The following TMEM207 variants were observed in gnomAD, a reference collection of about 807,000 sequenced individuals.
TMEM207 encodes the protein transmembrane protein 207, also known as SRSR846.
TMEM207 carries 15 observed loss-of-function variants against 17.4 expected under a neutral mutation model. That is an observed-to-expected ratio of 0.86 (90% confidence interval 0.58 to 1.33). The LOEUF is 1.33. TMEM207 is among the 40% of genes most tolerant of loss of function. The pLI, the probability that TMEM207 is intolerant of heterozygous loss-of-function variation, is 0.00. For synonymous variants in TMEM207, 70 were observed against 65.6 expected (o/e 1.07, Z -0.33); for missense variants, 205 against 173.8 (o/e 1.18, Z -1.01).
In TMEM207 at chr3:190,435,515, G is replaced by A. The variant is rs1478742891; in HGVS notation, c.304+4729C>T. ...GTGGGACACAGTTCAACCCACAACA[G>A]GGGGCATCAGAGGGAATATTTTTCC... is the stretch of plus-strand genomic sequence containing the variant. On this transcript the variant is annotated intron_variant, in intron 4 of 4. Coordinates refer to ENST00000354905, the MANE Select transcript of TMEM207 (RefSeq NM_207316.3). 3.3e-5 allele frequency among the ~76,000 whole-genome samples: 5 copies of A among 152,264 alleles called. No homozygotes were observed. The East Asian group carries it at 9.6e-4, about 29-fold the overall frequency.
rs549768997 is a variant in TMEM207 at position 190,430,888 on chromosome 3, A to G, written c.305-1157T>C. 2.0e-5 allele frequency among the ~76,000 whole-genome samples: 3 copies of G among 152,272 alleles called. No homozygotes were observed. In the South Asian group the frequency reaches 6.2e-4, roughly 32 times the overall value. On this transcript the variant is annotated intron_variant, in intron 4 of 4. Coordinates refer to ENST00000354905, the MANE Select transcript of TMEM207 (RefSeq NM_207316.3). ...AGTAAGATTTGATGCCATTAGGAAT[A>G]TTCCAAAGAATATGCCACAATGATC...
intron 4 of TMEM207, among the ~76,000 whole-genome samples, chr3:190,431,621 G>C (rs57427026): frequency 0.013 from 2,045 of 152,110 alleles, 65 homozygotes; most frequent in African/African-American, 0.047. Flanking sequence ...TTCCTCCATT[G>C]TGAATACTTG....
chr3:190,438,468 C>T (rs934602937), intron 4 of TMEM207, among the ~76,000 whole-genome samples: 2 of 151,898 alleles, frequency 1.3e-5, no homozygotes, highest in Non-Finnish European at 1.5e-5. Context: ...ATGGAATCTG[C>T]CATGCAAGAA....
At chr3:190,442,568 C>T (rs1305319662) in intron 2 of TMEM207, among the ~76,000 whole-genome samples, 1 of 152,108 alleles carries the variant, frequency 6.6e-6, no homozygotes, top group Non-Finnish European at 1.5e-5. Flanking sequence ...ATTTCATTCC[C>T]CTCCACATAT....
At chr3:190,430,334 A>G (rs1470574809) in intron 4 of TMEM207, among the ~76,000 whole-genome samples, 1 of 152,028 alleles carries the variant, frequency 6.6e-6, no homozygotes, top group Non-Finnish European at 1.5e-5. Flanking sequence ...ATTAACTATT[A>G]CAAACTGGCC....
At chr3:190,435,689 C>T (rs983702411) in intron 4 of TMEM207, among the ~76,000 whole-genome samples, 4 of 152,092 alleles carry the variant, frequency 2.6e-5, no homozygotes, top group African/African-American at 7.2e-5. Flanking sequence ...GGTATAGATC[C>T]TATGAAGAGG....
At chr3:190,443,378 A>G (rs1319739382) in intron 2 of TMEM207, among the ~76,000 whole-genome samples, 2 of 151,900 alleles carry the variant, frequency 1.3e-5, no homozygotes, top group African/African-American at 2.4e-5. Context: ...CTGGGCTAAC[A>G]ATTTTCCAAA....
chr3:190,444,485 T>C, intron 2 of TMEM207: 1 of 976,334 alleles, frequency 1.0e-6, no homozygotes, highest in Non-Finnish European at 1.2e-6. Context: ...TCCAAATGCT[T>C]TAAGGAAATA....
chr3:190,441,787 A>C (rs1325333471), intron 2 of TMEM207, among the ~76,000 whole-genome samples: 1 of 152,242 alleles, frequency 6.6e-6, no homozygotes, highest in Non-Finnish European at 1.5e-5. Context: ...GCAGTGACTT[A>C]ACTCTTCAGG....
chr3:190,435,855 G>T (rs1016486797), intron 4 of TMEM207, among the ~76,000 whole-genome samples: 2 of 152,218 alleles, frequency 1.3e-5, no homozygotes, highest in African/African-American at 4.8e-5. Flanking sequence ...GATGGGCTGT[G>T]CTGGCAACAC....
At chr3:190,433,691 T>G (rs1207986630) in intron 4 of TMEM207, among the ~76,000 whole-genome samples, 1 of 152,158 alleles carries the variant, frequency 6.6e-6, no homozygotes, top group Non-Finnish European at 1.5e-5. Flanking sequence ...ATTTCCACAT[T>G]TGAGAGGGGG....
chr3:190,433,273 T>TC (rs1175628242), intron 4 of TMEM207, among the ~76,000 whole-genome samples: 1 of 152,138 alleles, frequency 6.6e-6, no homozygotes, highest in Non-Finnish European at 1.5e-5. Flanking sequence ...TTATTCAGCA[T>TC]CACAACTTTA....
chr3:190,435,273 GA>G (rs1369804775), intron 4 of TMEM207, among the ~76,000 whole-genome samples: 1 of 152,174 alleles, frequency 6.6e-6, no homozygotes, highest in Non-Finnish European at 1.5e-5. Context: ...TTGGATTGCA[GA>G]TGGCCACCCT....
intron 2 of TMEM207, 78 bp downstream of exon 2, chr3:190,447,712 T>G: frequency 6.8e-7 from 1 of 1,477,052 alleles, no homozygotes; most frequent in Non-Finnish European, 9.3e-7. Flanking sequence ...GGGCTTTTTC[T>G]AATGGCTTGA....
At chr3:190,440,048 C>T (rs1034764280) in intron 4 of TMEM207, among the ~76,000 whole-genome samples, 196 bp downstream of exon 4, 9 of 152,160 alleles carry the variant, frequency 5.9e-5, no homozygotes, top group African/African-American at 1.9e-4. Context: ...GTTCCCAAGA[C>T]ACATTTTCTT....
chr3:190,437,448 T>G (rs1719827878), intron 4 of TMEM207, among the ~76,000 whole-genome samples: 1 of 152,264 alleles, frequency 6.6e-6, no homozygotes, highest in Admixed American at 6.5e-5. Flanking sequence ...CTTTTCCAAG[T>G]TGATATTTAG....
At chr3:190,440,087 T>A (rs901339623) in intron 4 of TMEM207, among the ~76,000 whole-genome samples, 157 bp downstream of exon 4, 5 of 152,126 alleles carry the variant, frequency 3.3e-5, no homozygotes, top group Non-Finnish European at 7.4e-5. Context: ...CTTATGAAAT[T>A]TTCTCCCTTA....
intron 2 of TMEM207, among the ~76,000 whole-genome samples, chr3:190,443,812 C>T (rs1188506704): frequency 6.6e-6 from 1 of 152,114 alleles, no homozygotes; most frequent in Non-Finnish European, 1.5e-5. Context: ...AATTATTCCT[C>T]AGGGATTGGT....
At chr3:190,445,137 T>A (rs1169339259) in intron 2 of TMEM207, among the ~76,000 whole-genome samples, 1 of 152,248 alleles carries the variant, frequency 6.6e-6, no homozygotes. Context: ...CTTGCTTTCC[T>A]ACTCTTGAGT....
Sources: allele counts gnomAD v4.1 joint callset (sites outside exome capture counted in the v4.1 genomes callset), GRCh38; gene constraint gnomAD v4.1.1; transcripts MANE v1.5; gene names NCBI Gene and HGNC (gene_info 2026-07-23, HGNC 2026-07-21).